Variants in IQCM observed in about 807,000 individuals in gnomAD.
IQCM encodes the protein IQ domain-containing protein M.
In IQCM, 45 loss-of-function variants were observed where a neutral mutation model predicts 57.6. The ratio of observed to expected loss-of-function variants is 0.78; its 90% CI spans 0.62 to 1.00. The LOEUF is 1.00. IQCM is among the 50% of genes least tolerant of loss of function. The pLI, the probability that IQCM is intolerant of heterozygous loss-of-function variation, is 0.00. For missense variants in IQCM, 468 were observed against 511.6 expected (o/e 0.91, Z 0.82); for synonymous variants, 148 against 158.9 (o/e 0.93, Z 0.51).
chr4:149,553,389 G>T, intron 10 of IQCM, 102 bp from the exon 11 acceptor site: 2 of 963,388 alleles, frequency 2.1e-6, no homozygotes, highest in Non-Finnish European at 2.7e-6. Context: ...AAGATTATGG[G>T]TGTATTTATT....
intron 12 of IQCM, among the ~76,000 whole-genome samples, chr4:149,446,685 A>G (rs1736546559): frequency 2.6e-5 from 4 of 151,576 alleles, no homozygotes. Flanking sequence ...AATGAAAAAC[A>G]TTTTACATTC....
chr4:149,768,430 T>G (rs1414807385), intron 2 of IQCM, among the ~76,000 whole-genome samples: 1 of 152,118 alleles, frequency 6.6e-6, no homozygotes. Flanking sequence ...ACAATAAATT[T>G]CATAGATAAC....
chr4:149,358,575 C>T (rs1400176860), intron 13 of IQCM, among the ~76,000 whole-genome samples: 1 of 151,948 alleles, frequency 6.6e-6, no homozygotes, highest in Non-Finnish European at 1.5e-5. Context: ...TTTCTTAATC[C>T]TCATTTTTGT....
chr4:149,420,634 A>G (rs888032592), intron 13 of IQCM, among the ~76,000 whole-genome samples: 1 of 152,076 alleles, frequency 6.6e-6, no homozygotes, highest in Admixed American at 6.6e-5. Flanking sequence ...CAGAACTTAA[A>G]ACAAAAATTA....
chr4:149,388,571 TA>T (rs1384283917), intron 13 of IQCM, among the ~76,000 whole-genome samples: 2 of 122,124 alleles, frequency 1.6e-5, no homozygotes, highest in Admixed American at 9.2e-5. Context: ...TTTATATACA[TA>T]AATATATATA....
chr4:149,762,501 C>T (rs1266264772), intron 2 of IQCM, among the ~76,000 whole-genome samples: 3 of 151,928 alleles, frequency 2.0e-5, no homozygotes, highest in Admixed American at 2.0e-4. Context: ...AACAAGATCA[C>T]ATTAGGAGAG....
At chr4:149,538,847 T>C (rs1313900461) in intron 12 of IQCM, among the ~76,000 whole-genome samples, 1 of 151,938 alleles carries the variant, frequency 6.6e-6, no homozygotes, top group African/African-American at 2.4e-5. Context: ...ACCTTTGCTT[T>C]TCAGGAATGC....
At chr4:149,805,328 G>A (rs1462715696) in intron 2 of IQCM, among the ~76,000 whole-genome samples, 1 of 151,850 alleles carries the variant, frequency 6.6e-6, no homozygotes, top group Non-Finnish European at 1.5e-5. Flanking sequence ...GCTCAAAAAG[G>A]TACATGTTAA....
At chr4:149,390,555 T>G (rs1202751629) in intron 13 of IQCM, among the ~76,000 whole-genome samples, 1 of 151,974 alleles carries the variant, frequency 6.6e-6, no homozygotes. Context: ...TTATGTTAAC[T>G]ATGGGATTTT....
intron 5 of IQCM, among the ~76,000 whole-genome samples, chr4:149,710,703 T>C (rs537198267): frequency 6.6e-6 from 1 of 152,266 alleles, no homozygotes; most frequent in South Asian, 2.1e-4. Flanking sequence ...TCTCTATTTA[T>C]TTTTACTAGC....
intron 2 of IQCM, among the ~76,000 whole-genome samples, chr4:149,784,893 T>C (rs1771938998): frequency 6.6e-6 from 1 of 152,298 alleles, no homozygotes; most frequent in Non-Finnish European, 1.5e-5. Flanking sequence ...TGTTGTAAAC[T>C]TATATATGGA....
At chr4:149,789,336 T>G (rs1459397085) in intron 2 of IQCM, among the ~76,000 whole-genome samples, 1 of 152,180 alleles carries the variant, frequency 6.6e-6, no homozygotes, top group Non-Finnish European at 1.5e-5. Flanking sequence ...AATTCTATTC[T>G]GAGATAACCC....
intron 2 of IQCM, among the ~76,000 whole-genome samples, chr4:149,752,095 A>T (rs1768503445): frequency 6.6e-6 from 1 of 152,194 alleles, no homozygotes; most frequent in South Asian, 2.1e-4. Flanking sequence ...CTTTAGAAAC[A>T]TGAAGAGTCC....
intron 8 of IQCM, among the ~76,000 whole-genome samples, chr4:149,610,599 T>C (rs1727564422): frequency 6.6e-6 from 1 of 151,866 alleles, no homozygotes; most frequent in African/African-American, 2.4e-5. Context: ...TCAACAAAGG[T>C]GCCAAGAACA....
chr4:149,681,156 G>A (rs912520343), intron 7 of IQCM, among the ~76,000 whole-genome samples: 4 of 151,188 alleles, frequency 2.6e-5, no homozygotes, highest in African/African-American at 9.7e-5. Context: ...CAGATTTCAA[G>A]AGTATTATTT....
At chr4:149,497,304 C>T (rs1357272080) in intron 12 of IQCM, among the ~76,000 whole-genome samples, 3 of 152,108 alleles carry the variant, frequency 2.0e-5, no homozygotes, top group African/African-American at 7.2e-5. Context: ...CCAGCATCCT[C>T]AGCAAATTAA....
intron 2 of IQCM, among the ~76,000 whole-genome samples, chr4:149,814,977 C>CA (rs1774917267): frequency 1.3e-5 from 2 of 151,978 alleles, no homozygotes; most frequent in African/African-American, 2.4e-5. Context: ...CGTTGATTTA[C>CA]AAAAATAAAG....
chr4:149,357,573 C>G (rs1161353075), intron 13 of IQCM, among the ~76,000 whole-genome samples: 2 of 152,196 alleles, frequency 1.3e-5, no homozygotes, highest in Non-Finnish European at 2.9e-5. Context: ...GTTGAACCAG[C>G]CTTGCATCTC....
chr4:149,429,994 G>A, intron 13 of IQCM: 4 of 1,228,102 alleles, frequency 3.3e-6, no homozygotes, highest in Non-Finnish European at 4.1e-6. Flanking sequence ...AACACAAATA[G>A]ATATAGGTCA....
Sources: gnomAD v4.1 joint callset for allele counts (sites outside exome capture counted in the v4.1 genomes callset) on GRCh38, gnomAD v4.1.1 for gene constraint, MANE v1.5 for transcripts, NCBI Gene and HGNC (gene_info 2026-07-23, HGNC 2026-07-21) for gene names.